PTPRD: variants seen among roughly 807,000 people sequenced by gnomAD.
PTPRD encodes receptor-type tyrosine-protein phosphatase delta.
A neutral mutation model predicts 214.5 loss-of-function variants in PTPRD; 34 were observed. That is an observed-to-expected ratio of 0.16 (90% CI 0.12 to 0.21). The LOEUF (loss-of-function observed/expected upper bound fraction) is 0.21, where lower values mean the gene tolerates loss of function less well. Ranked by LOEUF, PTPRD falls within the 10% of genes least tolerant of loss-of-function variation. PTPRD has a pLI of 1.00. For missense variants in PTPRD, 2,545 were observed against 2,398.7 expected (o/e 1.06, Z -1.27); for synonymous variants, 1,128 against 845.7 (o/e 1.33, Z -5.79).
chr9:8,606,101 G>A (rs2095194575), intron 14 of PTPRD, among the ~76,000 whole-genome samples: 1 of 151,984 alleles, frequency 6.6e-6, no homozygotes, highest in South Asian at 2.1e-4. Context: ...ATACAATTGT[G>A]GACAAAATCT....
At chr9:9,968,179 A>C (rs2094838926) in intron 4 of PTPRD, among the ~76,000 whole-genome samples, 1 of 152,192 alleles carries the variant, frequency 6.6e-6, no homozygotes, top group African/African-American at 2.4e-5. Flanking sequence ...ATGAAGCCAC[A>C]ATTTTGAGTA....
rs191574594 is a variant in PTPRD at position 8,880,342 on chromosome 9, T to C, written c.-104+138355A>G. On this transcript the variant is annotated intron_variant, in intron 11 of 45. Coordinates refer to ENST00000381196, the MANE Select transcript of PTPRD (RefSeq NM_002839.4). ...TTGGTTTTTCTGAGGAAGGCTTCAATGCTAGGTCTGGCGCATCCTCCCTTA... is the reference window on the plus strand; with the variant it reads ...TTGGTTTTTCTGAGGAAGGCTTCAACGCTAGGTCTGGCGCATCCTCCCTTA... Among the ~76,000 whole-genome samples, 4 of 152,330 alleles carry C rather than the reference T, an allele frequency of 2.6e-5. No individual in the cohort carries two copies. In the East Asian group the frequency reaches 7.7e-4, roughly 29 times the overall value.
At chr9:8,698,770 G>C (rs1471594836) in intron 12 of PTPRD, among the ~76,000 whole-genome samples, 2 of 152,072 alleles carry the variant, frequency 1.3e-5, no homozygotes, top group Admixed American at 6.6e-5. Flanking sequence ...AAACTAGATA[G>C]CTTGTTACCA....
At chr9:10,440,248 T>A (rs2098750026) in intron 2 of PTPRD, among the ~76,000 whole-genome samples, 1 of 151,854 alleles carries the variant, frequency 6.6e-6, no homozygotes, top group South Asian at 2.1e-4. Flanking sequence ...CTTTAAATAC[T>A]CAATAAGTTA....
At chr9:9,261,029 A>G (rs998188604) in intron 9 of PTPRD, among the ~76,000 whole-genome samples, 2 of 151,860 alleles carry the variant, frequency 1.3e-5, no homozygotes, top group African/African-American at 4.8e-5. Context: ...TTATGTTTGC[A>G]AAAGCAAGAG....
chr9:10,433,761 C>G lies in PTPRD; in HGVS notation c.-599-92744G>C, dbSNP rs1266581322. Among the ~76,000 whole-genome samples the G allele has an allele frequency of 2.6e-5, 4 of 151,770 alleles. No homozygotes were observed. In the Admixed American group the frequency reaches 2.6e-4, roughly 10 times the overall value. On this transcript the variant is annotated intron_variant, in intron 2 of 45. Transcript: ENST00000381196. Reference sequence around the variant, plus strand: ...TAGGAGATGACAGCTATATTTTTAACATAAATATTTCTATTAAAGAATGCT... The same window carrying G: ...TAGGAGATGACAGCTATATTTTTAAGATAAATATTTCTATTAAAGAATGCT...
chr9:9,275,623 G>A (rs1448505678), intron 9 of PTPRD, among the ~76,000 whole-genome samples: 1 of 151,156 alleles, frequency 6.6e-6, no homozygotes, highest in East Asian at 2.0e-4. Flanking sequence ...GGATGACTTT[G>A]GTCCCTAAGA....
Position 9,945,883 on chromosome 9 carries a change from CCTG to C in PTPRD, c.-471-7276_-471-7274del, listed in dbSNP as rs1324768608. 2.1e-4 allele frequency among the ~76,000 whole-genome samples: 32 copies of C among 151,968 alleles called. No individual in the cohort carries two copies. The East Asian group carries it at 5.8e-3, about 28-fold the overall frequency. On this transcript the variant is annotated intron_variant, in intron 4 of 45. Transcript: ENST00000381196. The stretch of plus-strand genomic sequence containing the variant: ...GAGCACACACACAAATCTATACGTA[CCTG>C]AAATATTTTTTAAAAGATGGTTACT...
chr9:8,967,573 C>T (rs1425358605), intron 11 of PTPRD, among the ~76,000 whole-genome samples: 1 of 151,604 alleles, frequency 6.6e-6, no homozygotes, highest in Admixed American at 6.6e-5. Context: ...CACACCAAAT[C>T]AATCTTGGAG....
chr9:8,439,786 G>C (rs1049514260), intron 34 of PTPRD, among the ~76,000 whole-genome samples: 1 of 152,010 alleles, frequency 6.6e-6, no homozygotes, highest in Admixed American at 6.6e-5. Flanking sequence ...GATTTTGAAT[G>C]AAAAGGTAGA....
chr9:8,758,461 C>G (rs944347374), intron 11 of PTPRD, among the ~76,000 whole-genome samples: 2 of 152,046 alleles, frequency 1.3e-5, no homozygotes, highest in African/African-American at 4.8e-5. Flanking sequence ...AAATAAAAAG[C>G]TATGAGTTTA....
chr9:9,252,203 AAAG>A (rs2099975755), intron 9 of PTPRD, among the ~76,000 whole-genome samples: 1 of 152,078 alleles, frequency 6.6e-6, no homozygotes, highest in Non-Finnish European at 1.5e-5. Context: ...AACAGCTGAC[AAAG>A]AAGAAGCTCC....
intron 10 of PTPRD, among the ~76,000 whole-genome samples, chr9:9,083,681 A>G (rs1382163011): frequency 2.0e-5 from 3 of 152,194 alleles, no homozygotes; most frequent in African/African-American, 7.2e-5. Flanking sequence ...TCCAGAACCT[A>G]TAAGGAACTT....
At position 8,397,579 on chromosome 9, in the gene PTPRD, C is replaced by A. The variant is rs7873894; in HGVS notation, c.4210+6958G>T. Among the ~76,000 whole-genome samples the A allele has an allele frequency of 2.0e-5, 3 of 152,112 alleles. No individual in the cohort carries two copies. The South Asian group carries it at 6.2e-4, about 32-fold the overall frequency. On this transcript the variant is annotated intron_variant, in intron 36 of 45. Coordinates refer to ENST00000381196, the MANE Select transcript of PTPRD (RefSeq NM_002839.4). ...GGGTACAATGTGAAATTGGAGAATA[C>A]GTTAGCATGTGCTCACAGCTGTTTC...
At chr9:8,905,417 T>A (rs1162791391) in intron 11 of PTPRD, among the ~76,000 whole-genome samples, 1 of 151,928 alleles carries the variant, frequency 6.6e-6, no homozygotes, top group Non-Finnish European at 1.5e-5. Flanking sequence ...GCAAAAAAGA[T>A]GAGGACTATA....
At chr9:9,744,794 T>A (rs1465347005) in intron 6 of PTPRD, among the ~76,000 whole-genome samples, 1 of 152,090 alleles carries the variant, frequency 6.6e-6, no homozygotes, top group Non-Finnish European at 1.5e-5. Flanking sequence ...ACTATTAATA[T>A]AATCCACATC....
chr9:10,414,858 G>A (rs1052819858), intron 2 of PTPRD, among the ~76,000 whole-genome samples: 14 of 151,806 alleles, frequency 9.2e-5, no homozygotes, highest in Non-Finnish European at 2.1e-4. Context: ...AATACCACAT[G>A]TTCTCAGTTA....
At chr9:10,287,425 G>A (rs899441861) in intron 3 of PTPRD, among the ~76,000 whole-genome samples, 5 of 152,148 alleles carry the variant, frequency 3.3e-5, no homozygotes, top group Admixed American at 6.5e-5. Flanking sequence ...TATTCTTCCT[G>A]CATTCAGTCC....
In PTPRD at chr9:8,682,876, T is replaced by A. The variant is rs143939719; in HGVS notation, c.65-46032A>T. Among the ~76,000 whole-genome samples, 231 of 152,158 alleles carry A rather than the reference T, an allele frequency of 1.5e-3. 1 individual carries two copies. In the East Asian group the frequency reaches 0.015, roughly 10 times the overall value. ...TTTTTGCTGTTCCTTTCTGAGTTGT[T>A]GTTTATTTTTTTGTAAGCGAGTTTC... On this transcript the variant is annotated intron_variant, in intron 12 of 45. Transcript: ENST00000381196.
Sources: allele counts gnomAD v4.1 joint callset (sites outside exome capture counted in the v4.1 genomes callset), GRCh38; gene constraint gnomAD v4.1.1; transcripts MANE v1.5; gene names NCBI Gene and HGNC (gene_info 2026-07-23, HGNC 2026-07-21).